PPP1R13B: variants seen among roughly 807,000 people sequenced by gnomAD.
The protein encoded by PPP1R13B is apoptosis-stimulating of p53 protein 1.
PPP1R13B carries 44 observed loss-of-function variants against 119.8 expected under a neutral mutation model. That is an observed-to-expected ratio of 0.37 (90% CI 0.29 to 0.47). The LOEUF (loss-of-function observed/expected upper bound fraction) is 0.47, where lower values mean the gene tolerates loss of function less well. PPP1R13B is among the 20% of genes least tolerant of loss of function. The probability of loss-of-function intolerance (pLI) is 0.99; values close to 1 mark genes in which losing one functional copy is unlikely to be tolerated. For missense variants in PPP1R13B, 1,227 were observed against 1,413.5 expected (o/e 0.87, Z 2.12); for synonymous variants, 542 against 561.5 (o/e 0.97, Z 0.49).
intron 4 of PPP1R13B, among the ~76,000 whole-genome samples, chr14:103,770,002 C>T (rs1477852728): frequency 6.6e-6 from 1 of 152,004 alleles, no homozygotes; most frequent in Non-Finnish European, 1.5e-5. Flanking sequence ...CATACTAGCT[C>T]CCTATCCCCT....
chr14:103,828,444 A>G (rs2086600047), intron 1 of PPP1R13B, among the ~76,000 whole-genome samples: 1 of 152,136 alleles, frequency 6.6e-6, no homozygotes. Context: ...TGTAACATAA[A>G]TTGGTTACAT....
intron 1 of PPP1R13B, among the ~76,000 whole-genome samples, chr14:103,839,496 G>A (rs1289644410): frequency 6.6e-6 from 1 of 151,826 alleles, no homozygotes; most frequent in Non-Finnish European, 1.5e-5. Context: ...GCGTGGTGGT[G>A]CATGCCTGTA....
chr14:103,800,753 C>G (rs2085881642), intron 1 of PPP1R13B, among the ~76,000 whole-genome samples: 4 of 152,098 alleles, frequency 2.6e-5, no homozygotes, highest in Admixed American at 2.6e-4. Flanking sequence ...CATCTATGGT[C>G]AGATTTTATG....
At chr14:103,846,562 C>A (rs1198050976) in intron 1 of PPP1R13B, among the ~76,000 whole-genome samples, 1 of 152,162 alleles carries the variant, frequency 6.6e-6, no homozygotes, top group South Asian at 2.1e-4. Context: ...TGCTTACCTC[C>A]CAAAAAGCCA....
rs998938348 is a variant in PPP1R13B, at chr14:103,734,251, C to T, written c.*903G>A. On this transcript the variant is annotated 3_prime_UTR_variant, in exon 17 of 17. Coordinates refer to ENST00000202556, the MANE Select transcript of PPP1R13B (RefSeq NM_015316.3). ...GGTGGCGGCCCCTCCTGACACCAGG[C>T]GTCTGCCATCCTTCAGGCACCAAAC... is the stretch of plus-strand genomic sequence containing the variant. 20 of 293,812 alleles carry T rather than the reference C, an allele frequency of 6.8e-5. No individual in the cohort carries two copies. Among genetic ancestry groups the T allele is most frequent in the African/African-American group, 1.5e-4 (7 of 46,160 alleles). The allele number at this position is 293,812 out of a possible 1,614,324, so 18.2% of individuals were successfully genotyped here. A position where few individuals can be genotyped will look rare whatever the true frequency, so the allele number is the denominator to read the frequency against.
intron 1 of PPP1R13B, among the ~76,000 whole-genome samples, chr14:103,804,938 G>C (rs1212869868): frequency 6.6e-6 from 1 of 152,180 alleles, no homozygotes; most frequent in East Asian, 1.9e-4. Flanking sequence ...CCAGGTTCAA[G>C]TGATTCTCCT....
intron 2 of PPP1R13B, among the ~76,000 whole-genome samples, chr14:103,795,928 G>A (rs1595785017): frequency 6.6e-6 from 1 of 152,172 alleles, no homozygotes; most frequent in Non-Finnish European, 1.5e-5. Context: ...TACCCACAAG[G>A]GACTTGTATC....
intron 16 of PPP1R13B, 88 bp downstream of exon 16, chr14:103,735,915 T>C (rs1567077576): frequency 1.4e-6 from 2 of 1,438,320 alleles, no homozygotes; most frequent in Non-Finnish European, 1.9e-6. Flanking sequence ...AAGCGAAGCC[T>C]CCCTCCCCAG....
chr14:103,738,932 G>A lies in PPP1R13B; in HGVS notation c.2684C>T (p.Ala895Val), dbSNP rs1319044315. The change falls in exon 13 of 17, where the codon GCG becomes GTG. Residue 895 changes from alanine (A) to valine (V), a missense_variant. Physicochemically the swap from Ala to Val is moderately conservative, Grantham distance 64. Transcript: ENST00000202556. The surrounding 1 kb of genome is among the most constrained non-coding windows in gnomAD (Gnocchi z 5.6). ...RFNPLALLLD[A>V]SLEGEFDLVQ... ...CAGATCGAACTCTCCTTCCAGAGAC[G>A]CGTCTAGGAGCAGTGCCAGGGGGTT... 17 of 1,613,950 alleles carry A rather than the reference G, an allele frequency of 1.1e-5. No homozygotes were observed. Among genetic ancestry groups the A allele is most frequent in the Admixed American group, 1.7e-5 (1 of 60,008 alleles).
chr14:103,804,194 T>C, intron 1 of PPP1R13B: 1 of 287,618 alleles, frequency 3.5e-6, no homozygotes, highest in Non-Finnish European at 5.2e-6. Flanking sequence ...GCTCAAGAAA[T>C]GCAGGATGAG....
At chr14:103,817,845 GTCTGAC>G (rs2086315801) in intron 1 of PPP1R13B, among the ~76,000 whole-genome samples, 2 of 151,658 alleles carry the variant, frequency 1.3e-5, no homozygotes, top group African/African-American at 4.8e-5. Context: ...ACCCAAGTGT[GTCTGAC>G]TCCAAAGCTT....
chr14:103,776,668 T>C (rs999842785), intron 4 of PPP1R13B, among the ~76,000 whole-genome samples: 2 of 152,096 alleles, frequency 1.3e-5, no homozygotes, highest in African/African-American at 2.4e-5. Flanking sequence ...GTCAGGAGAT[T>C]GAGACCATCT....
At chr14:103,788,965 T>C (rs973052701) in intron 2 of PPP1R13B, among the ~76,000 whole-genome samples, 3 of 152,080 alleles carry the variant, frequency 2.0e-5, no homozygotes, top group Admixed American at 1.3e-4. Context: ...GGTGAGAGTA[T>C]TGCAGGGAGG....
At chr14:103,794,148 A>G (rs1567128718) in intron 2 of PPP1R13B, among the ~76,000 whole-genome samples, 1 of 152,068 alleles carries the variant, frequency 6.6e-6, no homozygotes, top group African/African-American at 2.4e-5. Context: ...AAAATAAATT[A>G]CTGTTGTTTA....
At chr14:103,791,757 T>C (rs766768605) in intron 2 of PPP1R13B, among the ~76,000 whole-genome samples, 1 of 152,130 alleles carries the variant, frequency 6.6e-6, no homozygotes, top group Non-Finnish European at 1.5e-5. Flanking sequence ...TATATAGAAG[T>C]AAATTTCATT....
rs527869626 is a variant in PPP1R13B, at chr14:103,754,848, C to T, written c.457-604G>A. Among the ~76,000 whole-genome samples, 6 of 151,678 alleles carry T rather than the reference C, an allele frequency of 4.0e-5. No individual in the cohort carries two copies. The East Asian group carries it at 5.9e-4, about 15-fold the overall frequency. On this transcript the variant is annotated intron_variant, in intron 5 of 16. Coordinates refer to ENST00000202556, the MANE Select transcript of PPP1R13B (RefSeq NM_015316.3). ...AGGCTGGAGTGCAGTGGCATGATCTCGGCTCACTGCAAGCTCTGCCTCCCG... is the reference window on the plus strand; with the variant it reads ...AGGCTGGAGTGCAGTGGCATGATCTTGGCTCACTGCAAGCTCTGCCTCCCG...
chr14:103,833,400 T>C (rs1049323602), intron 1 of PPP1R13B, among the ~76,000 whole-genome samples: 1 of 152,062 alleles, frequency 6.6e-6, no homozygotes, highest in African/African-American at 2.4e-5. Flanking sequence ...TCCTAGCACT[T>C]TGGGAGGCCG....
At chr14:103,838,262 G>C (rs1337749282) in intron 1 of PPP1R13B, among the ~76,000 whole-genome samples, 32 of 151,590 alleles carry the variant, frequency 2.1e-4, no homozygotes, top group Non-Finnish European at 5.9e-5. Flanking sequence ...CTTCACAATG[G>C]GGTCCAACAG....
chr14:103,791,770 A>G (rs2085627811), intron 2 of PPP1R13B, among the ~76,000 whole-genome samples: 2 of 152,192 alleles, frequency 1.3e-5, no homozygotes, highest in Admixed American at 1.3e-4. Context: ...ATTTCATTCC[A>G]TATTTTTAGT....
Sources: gnomAD v4.1 joint callset for allele counts (sites outside exome capture counted in the v4.1 genomes callset) on GRCh38, gnomAD v4.1.1 for gene constraint, Gnocchi (gnomAD v3.1) non-coding constraint, MANE v1.5 for transcripts, NCBI Gene and HGNC (gene_info 2026-07-23, HGNC 2026-07-21) for gene names.